ERG: variants seen among roughly 807,000 people sequenced by gnomAD.
ERG encodes the protein transcriptional regulator ERG.
In ERG, 9 loss-of-function variants were observed where a neutral mutation model predicts 55.3. The ratio of observed to expected loss-of-function variants is 0.16; its 90% CI spans 0.10 to 0.28. The LOEUF (loss-of-function observed/expected upper bound fraction) is 0.28, where lower values mean the gene tolerates loss of function less well. Among genes scored for constraint, ERG ranks in the 10% least tolerant of loss-of-function variants. The probability of loss-of-function intolerance (pLI) is 1.00; values close to 1 mark genes in which losing one functional copy is unlikely to be tolerated. For synonymous variants in ERG, 223 were observed against 237.3 expected (o/e 0.94, Z 0.55); for missense variants, 434 against 631.6 (o/e 0.69, Z 3.35).
At chr21:38,586,511 G>C (rs765295687), upstream of ERG, among the ~76,000 whole-genome samples, 1 of 151,874 alleles carries the variant, frequency 6.6e-6, no homozygotes, top group East Asian at 1.9e-4. Flanking sequence ...AATGCAAATC[G>C]AAATCATGAT....
intron 1 of ERG, among the ~76,000 whole-genome samples, chr21:38,470,353 G>A (rs1035897141): frequency 6.6e-5 from 10 of 152,142 alleles, no homozygotes; most frequent in Non-Finnish European, 7.4e-5. Context: ...GGAAGGTGAT[G>A]AATAAACGGC....
intron 1 of ERG, among the ~76,000 whole-genome samples, chr21:38,660,046 C>G (rs2060542557): frequency 1.7e-5 from 1 of 59,130 alleles, no homozygotes. Context: ...GGAAAGGGAC[C>G]GCTCCTGGCG....
chr21:38,625,364 T>A (rs1302466889), intron 1 of ERG, among the ~76,000 whole-genome samples: 1 of 152,148 alleles, frequency 6.6e-6, no homozygotes, highest in African/African-American at 2.4e-5. Context: ...TTTTTTTAAT[T>A]TTACTTTAAA....
At chr21:38,617,640 C>T (rs2060266413) in intron 1 of ERG, among the ~76,000 whole-genome samples, 1 of 152,150 alleles carries the variant, frequency 6.6e-6, no homozygotes, top group African/African-American at 2.4e-5. Flanking sequence ...ATAACATTCA[C>T]TGAACATAAA....
At chr21:38,533,351 A>G (rs899276611) in intron 2 of ERG, among the ~76,000 whole-genome samples, 7 of 152,210 alleles carry the variant, frequency 4.6e-5, no homozygotes, top group African/African-American at 1.4e-4. Flanking sequence ...CTTTGTGTCA[A>G]ACTCAAAGAA....
chr21:38,550,405 C>A (rs982598107), intron 2 of ERG, among the ~76,000 whole-genome samples: 1 of 151,066 alleles, frequency 6.6e-6, no homozygotes, highest in Non-Finnish European at 1.5e-5. Context: ...TAAATCCTTA[C>A]CCCCAAGGTA....
rs1180407809 is a variant in ERG at position 38,460,064 on chromosome 21, A to G, written c.19-14443T>C. Among the ~76,000 whole-genome samples the G allele has an allele frequency of 2.0e-5, 3 of 152,198 alleles. No individual in the cohort carries two copies. The highest frequency in any genetic ancestry group is 4.4e-5 in the Non-Finnish European group (3 of 68,034). On this transcript the variant is annotated intron_variant, in intron 1 of 9. Coordinates refer to ENST00000288319, the MANE Select transcript of ERG (RefSeq NM_182918.4). This position sits in a 1 kb window ranked among gnomAD's most constrained non-coding sequence, Gnocchi z 5.0. ...ATTTAGAGTGGCCAGGGTGGTCCTG[A>G]GAAAACGCGAAGGAGGGGAGGGTGT... is the stretch of plus-strand genomic sequence containing the variant.
At chr21:38,529,979 A>G (rs1323045462) in intron 2 of ERG, among the ~76,000 whole-genome samples, 1 of 152,186 alleles carries the variant, frequency 6.6e-6, no homozygotes, top group Admixed American at 6.5e-5. Context: ...AAATAAAAAT[A>G]AACAAAAACC....
intron 2 of ERG, among the ~76,000 whole-genome samples, chr21:38,545,303 G>C (rs1240765717): frequency 6.6e-6 from 1 of 152,052 alleles, no homozygotes; most frequent in Non-Finnish European, 1.5e-5. Flanking sequence ...CCCACTCTTG[G>C]GATTTCTCAA....
intron 1 of ERG, among the ~76,000 whole-genome samples, chr21:38,652,229 G>A (rs79748455): frequency 4.0e-5 from 6 of 151,676 alleles, no homozygotes; most frequent in South Asian, 2.1e-4. Context: ...CCACCCTCCC[G>A]CCCACTGCTA....
Position 38,574,616 on chromosome 21 carries a change from C to T in ERG, c.-41+1046G>A, listed in dbSNP as rs143343786. Among the ~76,000 whole-genome samples the T allele has an allele frequency of 2.4e-3, 367 of 152,294 alleles. 4 individuals are homozygous for T. The highest frequency in any genetic ancestry group is 8.4e-3 in the African/African-American group (350 of 41,558). ...AATGTATTGTTTTAAAATGTGTGTA[C>T]GTCCATGTGTAATTGTATGTGTGGG... On this transcript the variant is annotated intron_variant, in intron 2 of 8. Transcript: ENST00000398897.
intron 2 of ERG, among the ~76,000 whole-genome samples, chr21:38,437,982 G>A (rs781540250): frequency 1.6e-4 from 24 of 152,210 alleles, no homozygotes; most frequent in Middle Eastern, 3.4e-3. Context: ...GTCAAAGTCC[G>A]GCAATGGCCC....
chr21:38,505,137 T>A (rs143758524), intron 2 of ERG, among the ~76,000 whole-genome samples: 44 of 152,308 alleles, frequency 2.9e-4, no homozygotes, highest in African/African-American at 1.0e-3. Context: ...ACAAATGGAA[T>A]CAGAAATGAA....
chr21:38,581,320 T>C lies in ERG; in HGVS notation c.-127+3524A>G, dbSNP rs183230772. On this transcript the variant is annotated intron_variant, in intron 1 of 8. Coordinates refer to the ERG transcript ENST00000398897. ...TCCTTGGAAACCTATAAATGATCAC[T>C]TTATCCTCCAAGAGCCTTAGTTACA... Among the ~76,000 whole-genome samples, 29 of 152,296 alleles carry C rather than the reference T, an allele frequency of 1.9e-4. 1 individual carries two copies. Among genetic ancestry groups the C allele is most frequent in the African/African-American group, 6.0e-4 (25 of 41,552 alleles).
chr21:38,403,483 C>T (rs894188317), intron 4 of ERG, 23 bp downstream of exon 4: 1 of 1,611,344 alleles, frequency 6.2e-7, no homozygotes, highest in African/African-American at 1.3e-5. Context: ...AGCCATCTAT[C>T]CTTGGAGGAA....
intron 3 of ERG, among the ~76,000 whole-genome samples, chr21:38,415,368 C>A (rs1264271484): frequency 6.6e-6 from 1 of 152,184 alleles, no homozygotes; most frequent in Admixed American, 6.5e-5. Context: ...TAGTAGCTGT[C>A]GTTGCTTTTT....
chr21:38,528,625 T>C lies in ERG; in HGVS notation c.-41+47037A>G, dbSNP rs1215190562. Among the ~76,000 whole-genome samples, 6 of 94,598 alleles carry C rather than the reference T, an allele frequency of 6.3e-5. 1 individual carries two copies. The highest frequency in any genetic ancestry group is 2.1e-4 in the African/African-American group (6 of 28,862). The allele number at this position is 94,598 out of a possible 152,430, so 62.1% of individuals were successfully genotyped here. On this transcript the variant is annotated intron_variant, in intron 2 of 8. Coordinates refer to the ERG transcript ENST00000398897. ...ACTACGCCCGGCTAATTTTTTTGTATTTTTAGTAGAGACGGGGTTTCACCT... is the reference window on the plus strand; with the variant it reads ...ACTACGCCCGGCTAATTTTTTTGTACTTTTAGTAGAGACGGGGTTTCACCT...
At chr21:38,586,038 A>G (rs1266470992), upstream of ERG, among the ~76,000 whole-genome samples, 1 of 151,930 alleles carries the variant, frequency 6.6e-6, no homozygotes, top group Non-Finnish European at 1.5e-5. Context: ...AAAATGGTTA[A>G]CAGTCATGGT....
At position 38,383,829 on chromosome 21, in the gene ERG, C is replaced by T. The variant is rs768546917; in HGVS notation, c.1014G>A (p.Glu338=). The stretch of plus-strand genomic sequence containing the variant: ...CCTCGTCGGGATCCGTCATCTTGAA[C>T]TCCCCGTTGGTGCCTTCCCAGGTGA... The part of the protein sequence containing the change: ...SCITWEGTNG[E]FKMTDPDEVA... Residue 338 remains glutamate, a synonymous_variant, in exon 10 of 10, where the codon GAG becomes GAA. Transcript: ENST00000288319. This position sits in a 1 kb window ranked among gnomAD's most constrained non-coding sequence, Gnocchi z 5.7. 8 of 1,614,068 alleles carry T rather than the reference C, an allele frequency of 5.0e-6. No individual in the cohort carries two copies. Among genetic ancestry groups the T allele is most frequent in the Non-Finnish European group, 5.1e-6 (6 of 1,180,046 alleles).
Sources: allele counts gnomAD v4.1 joint callset (sites outside exome capture counted in the v4.1 genomes callset), GRCh38; gene constraint gnomAD v4.1.1; non-coding constraint Gnocchi (gnomAD v3.1); transcripts MANE v1.5; gene names NCBI Gene and HGNC (gene_info 2026-07-23, HGNC 2026-07-21).